Variants in GALNTL6 observed in about 807,000 individuals in gnomAD.
GALNTL6 encodes polypeptide N-acetylgalactosaminyltransferase-like 6.
Under a neutral mutation model 73.7 loss-of-function variants are expected in GALNTL6, and 46 were observed. The ratio of observed to expected loss-of-function variants is 0.62; its 90% CI spans 0.49 to 0.80. The LOEUF (loss-of-function observed/expected upper bound fraction) is 0.80, where lower values mean the gene tolerates loss of function less well. Ranked by LOEUF, GALNTL6 falls within the 30% of genes least tolerant of loss-of-function variation. The pLI, the probability that GALNTL6 is intolerant of heterozygous loss-of-function variation, is 0.00. For missense variants in GALNTL6, 604 were observed against 755.0 expected, an observed-to-expected ratio of 0.80 and a Z score of 2.34; for synonymous variants, 259 against 263.7, an observed-to-expected ratio of 0.98 and a Z score of 0.17.
chr4:172,364,047 G>C (rs1742469444), intron 5 of GALNTL6, among the ~76,000 whole-genome samples: 2 of 152,204 alleles, frequency 1.3e-5, no homozygotes, highest in South Asian at 4.2e-4. Flanking sequence ...AGTAATTTAA[G>C]GTGTGGTATT....
intron 2 of GALNTL6, among the ~76,000 whole-genome samples, chr4:172,229,073 G>T (rs1736965156): frequency 6.6e-6 from 1 of 152,138 alleles, no homozygotes; most frequent in Non-Finnish European, 1.5e-5. Flanking sequence ...TGCCACTGTG[G>T]TTTACCTCAA....
intron 5 of GALNTL6, chr4:172,667,414 G>C (rs1731732116): frequency 6.6e-6 from 1 of 152,230 alleles, no homozygotes; most frequent in African/African-American, 2.4e-5. Context: ...CACCCATTTT[G>C]CAGGCCAGTT....
At chr4:172,778,078 T>A (rs1290498926) in intron 5 of GALNTL6, among the ~76,000 whole-genome samples, 1 of 152,270 alleles carries the variant, frequency 6.6e-6, no homozygotes, top group Non-Finnish European at 1.5e-5. Context: ...TCCATAAATA[T>A]AAATTAGAAT....
chr4:172,245,006 A>T (rs1178665543), intron 3 of GALNTL6, among the ~76,000 whole-genome samples: 1 of 152,150 alleles, frequency 6.6e-6, no homozygotes, highest in African/African-American at 2.4e-5. Context: ...ATGAAGAAAC[A>T]AGAAAATTTT....
At chr4:172,580,677 CCTTT>C (rs1191166534) in intron 5 of GALNTL6, among the ~76,000 whole-genome samples, 1 of 152,114 alleles carries the variant, frequency 6.6e-6, no homozygotes, top group African/African-American at 2.4e-5. Context: ...CACCTACTAG[CCTTT>C]TGATTTTAAG....
At chr4:171,895,356 C>T (rs1177277649) in intron 2 of GALNTL6, among the ~76,000 whole-genome samples, 1 of 152,120 alleles carries the variant, frequency 6.6e-6, no homozygotes, top group Non-Finnish European at 1.5e-5. Flanking sequence ...ATCAAAATAT[C>T]GAGTCATGGC....
At chr4:172,259,367 G>A (rs1738180165) in intron 3 of GALNTL6, among the ~76,000 whole-genome samples, 1 of 150,318 alleles carries the variant, frequency 6.7e-6, no homozygotes, top group South Asian at 2.1e-4. Context: ...ATGATGTTGA[G>A]CTTTTTTTAT....
intron 3 of GALNTL6, among the ~76,000 whole-genome samples, chr4:172,309,344 C>G (rs977548785): frequency 3.3e-5 from 5 of 151,514 alleles, no homozygotes; most frequent in African/African-American, 9.7e-5. Flanking sequence ...TCTAGTAATA[C>G]AAAATGAATA....
intron 2 of GALNTL6, among the ~76,000 whole-genome samples, chr4:171,902,634 G>A (rs1737131931): frequency 6.6e-6 from 1 of 152,184 alleles, no homozygotes; most frequent in African/African-American, 2.4e-5. Flanking sequence ...TGAGAGGGTA[G>A]GGAGGCTGGT....
chr4:172,134,394 A>G (rs1467244612), intron 2 of GALNTL6, among the ~76,000 whole-genome samples: 1 of 151,616 alleles, frequency 6.6e-6, no homozygotes, highest in African/African-American at 2.4e-5. Flanking sequence ...AAAAAAAAAA[A>G]GGTAGTAACA....
chr4:172,960,142 C>CAGGGTCT (rs1749966358), intron 10 of GALNTL6, among the ~76,000 whole-genome samples: 1 of 152,190 alleles, frequency 6.6e-6, no homozygotes, highest in Non-Finnish European at 1.5e-5. Flanking sequence ...TCTGACCTTT[C>CAGGGTCT]AGGGTCTAGG....
chr4:172,022,740 G>A (rs17057887), intron 2 of GALNTL6, among the ~76,000 whole-genome samples: 18,505 of 151,758 alleles, frequency 0.12, 2,844 homozygotes, highest in African/African-American at 0.36. Flanking sequence ...GTAAGTCATA[G>A]GTCTGACTCC....
chr4:172,779,835 A>G (rs1255324447), intron 5 of GALNTL6, among the ~76,000 whole-genome samples: 1 of 152,210 alleles, frequency 6.6e-6, no homozygotes, highest in Non-Finnish European at 1.5e-5. Flanking sequence ...TGCTGCTGTG[A>G]TAGAGGCTTT....
chr4:172,441,156 A>G (rs551730409), intron 5 of GALNTL6, among the ~76,000 whole-genome samples: 3 of 152,250 alleles, frequency 2.0e-5, no homozygotes, highest in African/African-American at 7.2e-5. Context: ...ACACATACCA[A>G]TGTCATTTAT....
chr4:172,916,803 G>A (rs1164089701), intron 8 of GALNTL6, among the ~76,000 whole-genome samples: 6 of 151,792 alleles, frequency 4.0e-5, no homozygotes, highest in East Asian at 3.8e-4. Flanking sequence ...AAACAATATC[G>A]TGAAAATGGC....
At chr4:172,961,729 G>C (rs1750066541) in intron 10 of GALNTL6, among the ~76,000 whole-genome samples, 1 of 152,200 alleles carries the variant, frequency 6.6e-6, no homozygotes, top group African/African-American at 2.4e-5. Context: ...GGCTGGAGAA[G>C]AGAATAAAGA....
At chr4:171,963,745 C>G (rs189144) in intron 2 of GALNTL6, among the ~76,000 whole-genome samples, 1 of 151,824 alleles carries the variant, frequency 6.6e-6, no homozygotes, top group East Asian at 1.9e-4. Context: ...ATTAACATAA[C>G]GACATTACAA....
intron 5 of GALNTL6, among the ~76,000 whole-genome samples, chr4:172,364,764 TA>T (rs1398653116): frequency 9.8e-5 from 15 of 152,292 alleles, no homozygotes; most frequent in African/African-American, 3.6e-4. Context: ...AAAGTGGACC[TA>T]AAAAGATACA....
At position 172,450,537 on chromosome 4, in the gene GALNTL6, T is replaced by A. The variant is rs6840904; in HGVS notation, c.553+101848T>A. 8.4e-3 allele frequency among the ~76,000 whole-genome samples: 1,272 copies of A among 152,312 alleles called. 11 individuals are homozygous for A. Among genetic ancestry groups the A allele is most frequent in the African/African-American group, 0.029 (1,203 of 41,570 alleles). On this transcript the variant is annotated intron_variant, in intron 5 of 12. Coordinates refer to ENST00000506823, the MANE Select transcript of GALNTL6 (RefSeq NM_001034845.3). ...TTCAACGTACAGAATCCAAGTTATG[T>A]GTGTAAAAGCATACACCAGCATATG... is the stretch of plus-strand genomic sequence containing the variant.
Sources: gnomAD v4.1 joint callset for allele counts (sites outside exome capture counted in the v4.1 genomes callset) on GRCh38, gnomAD v4.1.1 for gene constraint, MANE v1.5 for transcripts, NCBI Gene and HGNC (gene_info 2026-07-23, HGNC 2026-07-21) for gene names.